The following SYT16 variants were observed in gnomAD, a reference collection of about 807,000 sequenced individuals.
SYT16 encodes synaptotagmin-16.
A neutral mutation model predicts 61.4 loss-of-function variants in SYT16; 42 were observed. The ratio of observed to expected loss-of-function variants is 0.68; its 90% CI spans 0.53 to 0.89. The LOEUF is 0.89. SYT16 is among the 40% of genes least tolerant of loss of function. The pLI is 0.00. For synonymous variants in SYT16, 314 were observed against 302.3 expected (o/e 1.04, Z -0.40); for missense variants, 804 against 807.3 (o/e 1.00, Z 0.05).
At chr14:61,884,746 T>G (rs1318079730) in intron 1 of SYT16, among the ~76,000 whole-genome samples, 2 of 152,200 alleles carry the variant, frequency 1.3e-5, no homozygotes, top group Non-Finnish European at 2.9e-5. Flanking sequence ...CAGAAAATAA[T>G]TGCTTTTTTG....
At position 62,082,237 on chromosome 14, in the gene SYT16, A is replaced by G. The variant is rs942245924; in HGVS notation, c.1434+963A>G. Among the ~76,000 whole-genome samples the G allele has an allele frequency of 5.3e-5, 8 of 152,160 alleles. No homozygotes were observed. The South Asian group carries it at 1.4e-3, about 28-fold the overall frequency. ...TGGGGAAGCTTGTCATATCTGAGGA[A>G]GAACAAAGGAGACAGAAAGTCTGGA... On this transcript the variant is annotated intron_variant, in intron 6 of 7. Coordinates refer to ENST00000683842, the MANE Select transcript of SYT16 (RefSeq NM_001367656.1).
At chr14:61,816,353 G>C (rs1452224964) in intron 1 of SYT16, among the ~76,000 whole-genome samples, 8 of 152,182 alleles carry the variant, frequency 5.3e-5, no homozygotes, top group Admixed American at 1.3e-4. Flanking sequence ...TTAGAAACTA[G>C]TGCTAAACAG....
At chr14:61,972,995 C>A (rs1053212485) in intron 2 of SYT16, among the ~76,000 whole-genome samples, 3 of 152,082 alleles carry the variant, frequency 2.0e-5, no homozygotes, top group Non-Finnish European at 4.4e-5. Context: ...AAAAATGCGA[C>A]CATCCTACTC....
intron 3 of SYT16, among the ~76,000 whole-genome samples, chr14:62,013,474 A>T (rs554828054): frequency 6.6e-6 from 1 of 152,288 alleles, no homozygotes; most frequent in African/African-American, 2.4e-5. Flanking sequence ...ATGGGAAAAT[A>T]GGCTGTATTT....
chr14:61,972,673 C>T (rs2051612723), intron 2 of SYT16, among the ~76,000 whole-genome samples: 2 of 152,180 alleles, frequency 1.3e-5, no homozygotes, highest in South Asian at 4.1e-4. Flanking sequence ...CCTTAATTAT[C>T]CTCAGAGTAC....
chr14:61,989,398 A>C (rs1465133603), intron 2 of SYT16, among the ~76,000 whole-genome samples: 2 of 152,122 alleles, frequency 1.3e-5, no homozygotes, highest in Non-Finnish European at 1.5e-5. Context: ...CCCCGTTTCT[A>C]CTAAAAGTAC....
intron 1 of SYT16, among the ~76,000 whole-genome samples, chr14:61,920,790 T>C (rs1044719162): frequency 6.6e-6 from 1 of 152,218 alleles, no homozygotes; most frequent in Admixed American, 6.5e-5. Context: ...AGCTTTAATC[T>C]TTATAACACC....
downstream of SYT16, chr14:62,112,632 T>A (rs2057626394): frequency 6.6e-6 from 1 of 152,204 alleles, no homozygotes; most frequent in African/African-American, 2.4e-5. Flanking sequence ...GCCTGAATGA[T>A]ACTGCTTATT....
At chr14:62,011,896 C>CACACAT (rs2053471844) in intron 3 of SYT16, among the ~76,000 whole-genome samples, 1 of 129,636 alleles carries the variant, frequency 7.7e-6, no homozygotes, top group Non-Finnish European at 1.6e-5. Flanking sequence ...CACACACACA[C>CACACAT]ACACACACAT....
intron 3 of SYT16, among the ~76,000 whole-genome samples, chr14:62,050,204 C>T (rs546869852): frequency 7.2e-5 from 11 of 152,264 alleles, no homozygotes; most frequent in South Asian, 2.1e-4. Context: ...CTTCTCTTCT[C>T]GCTTCATTTC....
At chr14:62,026,616 T>C (rs964554646) in intron 3 of SYT16, among the ~76,000 whole-genome samples, 1 of 152,198 alleles carries the variant, frequency 6.6e-6, no homozygotes, top group African/African-American at 2.4e-5. Flanking sequence ...GGAGACACAG[T>C]CAAACCATAG....
At position 61,816,883 on chromosome 14, in the gene SYT16, C is replaced by T. The variant is rs375201432; in HGVS notation, c.-325+4073C>T. Among the ~76,000 whole-genome samples the T allele has an allele frequency of 8.1e-4, 123 of 151,804 alleles. 4 individuals are homozygous for T. The South Asian group carries it at 0.024, about 29-fold the overall frequency. The stretch of plus-strand genomic sequence containing the variant: ...AAAATTAGCCGGGCGTGGTGGCGGG[C>T]GCTTGTAGTCCCATCTACTCGGGAG... On this transcript the variant is annotated intron_variant, in intron 1 of 7. Transcript: ENST00000683842.
chr14:62,008,400 A>G (rs1431661259), intron 3 of SYT16, among the ~76,000 whole-genome samples: 1 of 152,108 alleles, frequency 6.6e-6, no homozygotes, highest in Non-Finnish European at 1.5e-5. Context: ...TTTATGAAAC[A>G]TTTTTAAAAC....
At chr14:62,009,030 G>A (rs941175246) in intron 3 of SYT16, among the ~76,000 whole-genome samples, 2 of 152,022 alleles carry the variant, frequency 1.3e-5, no homozygotes, top group South Asian at 2.1e-4. Flanking sequence ...TTTCCTGGTC[G>A]AGGTCCCTTG....
chr14:61,842,740 A>C (rs2046334218), intron 1 of SYT16, among the ~76,000 whole-genome samples: 1 of 150,836 alleles, frequency 6.6e-6, no homozygotes, highest in East Asian at 2.0e-4. Context: ...ACACATGGAC[A>C]CAGGAAGGGG....
Position 62,102,346 on chromosome 14 carries a change from T to A in SYT16, c.*1639T>A, listed in dbSNP as rs1177621060. Reference sequence around the variant, plus strand: ...GGGTTCAGTCTTTGAATGAAATGATTTCATATGGAAGAATGAGAATTTGCC... The same window carrying A: ...GGGTTCAGTCTTTGAATGAAATGATATCATATGGAAGAATGAGAATTTGCC... On this transcript the variant is annotated 3_prime_UTR_variant, in exon 8 of 8. Transcript: ENST00000683842. The A allele has an allele frequency of 6.6e-6, 1 of 152,250 alleles. No homozygotes were observed. The allele number at this position is 152,250 out of a possible 1,614,324, so 9.4% of individuals were successfully genotyped here. A position where few individuals can be genotyped will look rare whatever the true frequency, so the allele number is the denominator to read the frequency against.
rs2057572064 is a variant in SYT16 at position 62,109,621 on chromosome 14, C to G, written c.*8914C>G. 1 of 152,054 alleles carries G rather than the reference C, an allele frequency of 6.6e-6. No homozygotes were observed. Among genetic ancestry groups the G allele is most frequent in the African/African-American group, 2.4e-5 (1 of 41,400 alleles). The allele number at this position is 152,054 out of a possible 1,614,324, so 9.4% of individuals were successfully genotyped here. On this transcript the variant is annotated 3_prime_UTR_variant, in exon 8 of 8. Coordinates refer to ENST00000683842, the MANE Select transcript of SYT16 (RefSeq NM_001367656.1). ...TAATAATTTCATAATTTATATTACC[C>G]TATCTATGAGTTTTTCCCTCCATTG...
intron 2 of SYT16, among the ~76,000 whole-genome samples, chr14:61,971,948 G>C (rs1174202545): frequency 6.6e-6 from 1 of 152,220 alleles, no homozygotes; most frequent in Non-Finnish European, 1.5e-5. Context: ...TTTGGCCATG[G>C]GGTGGTATGA....
At chr14:61,962,878 C>G (rs936487316) in intron 1 of SYT16, among the ~76,000 whole-genome samples, 1 of 152,044 alleles carries the variant, frequency 6.6e-6, no homozygotes, top group African/African-American at 2.4e-5. Flanking sequence ...TTGTACTTCT[C>G]ATTTTGCTCA....
Sources: allele counts gnomAD v4.1 joint callset (sites outside exome capture counted in the v4.1 genomes callset), GRCh38; gene constraint gnomAD v4.1.1; transcripts MANE v1.5; gene names NCBI Gene and HGNC (gene_info 2026-07-23, HGNC 2026-07-21).